Variants in SGIP1 observed in about 807,000 individuals in gnomAD.
The protein encoded by SGIP1 is SH3-containing GRB2-like protein 3-interacting protein 1.
A neutral mutation model predicts 107.5 loss-of-function variants in SGIP1; 38 were observed. The observed-to-expected ratio is 0.35, with a 90% CI of 0.27 to 0.46. SGIP1 has a LOEUF of 0.46. Ranked by LOEUF, SGIP1 falls within the 20% of genes least tolerant of loss-of-function variation. The pLI is 1.00. For missense variants in SGIP1, 929 were observed against 1,019.5 expected, an observed-to-expected ratio of 0.91 and a Z score of 1.21; for synonymous variants, 365 against 366.1, an observed-to-expected ratio of 1.00 and a Z score of 0.03.
intron 1 of SGIP1, among the ~76,000 whole-genome samples, chr1:66,620,422 G>A (rs78302771): frequency 0.15 from 22,473 of 152,158 alleles, 2,174 homozygotes; most frequent in East Asian, 0.46. Context: ...AATTTATAAA[G>A]AAAGGAGGTT....
chr1:66,545,888 G>T lies in SGIP1; in HGVS notation c.10+11520G>T, dbSNP rs1245256888. 2.4e-4 allele frequency among the ~76,000 whole-genome samples: 37 copies of T among 152,004 alleles called. 1 individual carries two copies. The highest frequency in any genetic ancestry group is 3.9e-4 in the East Asian group (2 of 5,182). ...CATAGCACATTCTTATACCTGCTTT[G>T]TTCCTTGCTCAAAAACCAAGGACTA... On this transcript the variant is annotated intron_variant, in intron 1 of 24. Coordinates refer to ENST00000371037, the MANE Select transcript of SGIP1 (RefSeq NM_032291.4).
chr1:66,563,293 G>A (rs181339064), intron 1 of SGIP1, among the ~76,000 whole-genome samples: 39 of 152,092 alleles, frequency 2.6e-4, no homozygotes, highest in Admixed American at 1.3e-4. Flanking sequence ...CATAAGGCCA[G>A]AGGATTTGGA....
chr1:66,589,214 A>ATGTG (rs1456083520), intron 1 of SGIP1, among the ~76,000 whole-genome samples: 2 of 91,354 alleles, frequency 2.2e-5, no homozygotes, highest in African/African-American at 9.4e-5. Flanking sequence ...ATATATATAT[A>ATGTG]TATGTAAGGC....
At chr1:66,587,301 CTTCT>C (rs768543075) in intron 1 of SGIP1, among the ~76,000 whole-genome samples, 4 of 151,954 alleles carry the variant, frequency 2.6e-5, no homozygotes, top group Non-Finnish European at 5.9e-5. Context: ...TTCTTCTCTC[CTTCT>C]GAGACTCCAA....
intron 1 of SGIP1, among the ~76,000 whole-genome samples, chr1:66,542,346 C>T (rs1201639493): frequency 2.0e-5 from 3 of 152,074 alleles, no homozygotes; most frequent in South Asian, 4.2e-4. Context: ...TATGTGAATG[C>T]GGTGTCTGTC....
At chr1:66,634,068 G>T in intron 3 of SGIP1, 1 of 1,595,804 alleles carries the variant, frequency 6.3e-7, no homozygotes, top group Non-Finnish European at 8.5e-7. Flanking sequence ...CTATAATCAA[G>T]GCTCTATTCA....
rs1184379773 is a variant in SGIP1, at chr1:66,746,325, A to G, written c.*3230A>G. The G allele has an allele frequency of 1.3e-5, 2 of 152,136 alleles. No individual in the cohort carries two copies. The highest frequency in any genetic ancestry group is 2.9e-5 in the Non-Finnish European group (2 of 67,966). The allele number at this position is 152,136 out of a possible 1,614,324, so 9.4% of individuals were successfully genotyped here. A position where few individuals can be genotyped will look rare whatever the true frequency, so the allele number is the denominator to read the frequency against. On this transcript the variant is annotated 3_prime_UTR_variant, in exon 25 of 25. Transcript: ENST00000371037. The stretch of plus-strand genomic sequence containing the variant: ...GGCTTTTTTTCTAATAAAATTGCAC[A>G]TGGAATCCTGGTAGGCAAAACAGCT...
At chr1:66,722,787 T>C (rs1406023466) in intron 19 of SGIP1, among the ~76,000 whole-genome samples, 4 of 152,118 alleles carry the variant, frequency 2.6e-5, no homozygotes, top group Non-Finnish European at 5.9e-5. Flanking sequence ...TTCATCCTGG[T>C]TCAGTTTCCC....
At chr1:66,721,534 G>A (rs1298228728) in intron 19 of SGIP1, among the ~76,000 whole-genome samples, 3 of 151,960 alleles carry the variant, frequency 2.0e-5, no homozygotes, top group Admixed American at 2.0e-4. Context: ...TCAGCCTCCC[G>A]AGTAGCTGGG....
At chr1:66,536,586 T>C (rs890574653) in intron 1 of SGIP1, among the ~76,000 whole-genome samples, 4 of 152,196 alleles carry the variant, frequency 2.6e-5, no homozygotes, top group Non-Finnish European at 4.4e-5. Flanking sequence ...TTATTTCAAC[T>C]TAACTCATCT....
chr1:66,612,425 G>A (rs911316065), intron 1 of SGIP1, among the ~76,000 whole-genome samples: 2 of 152,330 alleles, frequency 1.3e-5, no homozygotes, highest in Admixed American at 1.3e-4. Flanking sequence ...TTTGTGAAGA[G>A]ATGTGGATTT....
intron 1 of SGIP1, among the ~76,000 whole-genome samples, chr1:66,615,587 A>G (rs937512937): frequency 2.6e-5 from 4 of 152,228 alleles, no homozygotes; most frequent in Admixed American, 6.5e-5. Context: ...CATTTCTGGT[A>G]TTATCCAGTA....
chr1:66,673,344 T>G lies in SGIP1; in HGVS notation c.624T>G (p.Ala208=). The G allele has an allele frequency of 1.9e-6, 3 of 1,611,798 alleles. No individual in the cohort carries two copies. The highest frequency in any genetic ancestry group is 2.5e-6 in the Non-Finnish European group (3 of 1,179,504). ...APLFGPPLES[A]FDEQKTEVLL... ...TCTTTGGCCCACCACTAGAATCAGC[T>G]TTTGATGAACAGAAGACAGAAGGTA... Residue 208 remains alanine, a synonymous_variant, in exon 12 of 25, where the codon GCT becomes GCG. Transcript: ENST00000371037.
At chr1:66,563,498 G>T (rs2059242504) in intron 1 of SGIP1, among the ~76,000 whole-genome samples, 2 of 152,048 alleles carry the variant, frequency 1.3e-5, no homozygotes, top group African/African-American at 4.8e-5. Context: ...TCCTGACTGT[G>T]ACCCTGGCTC....
At position 66,747,602 on chromosome 1, in the gene SGIP1, A is replaced by G. The variant is rs1332716187; in HGVS notation, c.*4507A>G. 2 of 152,038 alleles carry G rather than the reference A, an allele frequency of 1.3e-5. No homozygotes were observed. The highest frequency in any genetic ancestry group is 2.9e-5 in the Non-Finnish European group (2 of 67,888). The allele number at this position is 152,038 out of a possible 1,614,324, so 9.4% of individuals were successfully genotyped here. A position where few individuals can be genotyped will look rare whatever the true frequency, so the allele number is the denominator to read the frequency against. Reference sequence around the variant, plus strand: ...TTCCTTCTTTGCAAGGGACATTCAGATCTCTAACTTGTGAGTTGAACCTAT... The same window carrying G: ...TTCCTTCTTTGCAAGGGACATTCAGGTCTCTAACTTGTGAGTTGAACCTAT... On this transcript the variant is annotated 3_prime_UTR_variant, in exon 25 of 25. Coordinates refer to ENST00000371037, the MANE Select transcript of SGIP1 (RefSeq NM_032291.4).
chr1:66,635,199 A>T (rs1165336987), intron 3 of SGIP1, among the ~76,000 whole-genome samples: 1 of 152,216 alleles, frequency 6.6e-6, no homozygotes, highest in Non-Finnish European at 1.5e-5. Context: ...AATGCTTCTG[A>T]GGTTTAACCT....
intron 1 of SGIP1, among the ~76,000 whole-genome samples, chr1:66,576,497 T>A (rs1044765191): frequency 6.6e-6 from 1 of 152,194 alleles, no homozygotes; most frequent in African/African-American, 2.4e-5. Context: ...TAGTACTGGC[T>A]CATGGTAAGG....
chr1:66,737,656 G>T (rs1260264457), intron 21 of SGIP1, among the ~76,000 whole-genome samples: 6 of 152,160 alleles, frequency 3.9e-5, no homozygotes, highest in African/African-American at 1.4e-4. Context: ...ACAAATAAGG[G>T]TAATAATGAT....
intron 17 of SGIP1, among the ~76,000 whole-genome samples, chr1:66,690,813 G>A (rs758093501): frequency 9.9e-5 from 15 of 152,150 alleles, no homozygotes; most frequent in Non-Finnish European, 2.2e-4. Flanking sequence ...CAAACTTTTC[G>A]ACATTTTTTT....
Sources: gnomAD v4.1 joint callset for allele counts (sites outside exome capture counted in the v4.1 genomes callset) on GRCh38, gnomAD v4.1.1 for gene constraint, MANE v1.5 for transcripts, NCBI Gene and HGNC (gene_info 2026-07-23, HGNC 2026-07-21) for gene names.